SEC31B: variants seen among roughly 807,000 people sequenced by gnomAD.
The protein encoded by SEC31B is protein transport protein Sec31B.
A neutral mutation model predicts 135.0 loss-of-function variants in SEC31B; 113 were observed. That is an observed-to-expected ratio of 0.84 (90% CI 0.72 to 0.98). The LOEUF (loss-of-function observed/expected upper bound fraction) is 0.98. SEC31B is among the 50% of genes least tolerant of loss of function. The probability of loss-of-function intolerance (pLI) is 0.00; values close to 1 mark genes in which losing one functional copy is unlikely to be tolerated. For missense variants in SEC31B, 1,296 were observed against 1,421.1 expected, an observed-to-expected ratio of 0.91 and a Z score of 1.42; for synonymous variants, 508 against 549.4, an observed-to-expected ratio of 0.92 and a Z score of 1.05.
intron 10 of SEC31B, among the ~76,000 whole-genome samples, chr10:100,503,520 G>A (rs1252638513): frequency 6.7e-6 from 1 of 149,584 alleles, no homozygotes; most frequent in Non-Finnish European, 1.5e-5. Flanking sequence ...CGTAACCTCC[G>A]CCTCCCAGGT....
At position 100,507,889 on chromosome 10, in the gene SEC31B, T is replaced by C. The variant is rs1389111440; in HGVS notation, c.639+19A>G. On this transcript the variant is annotated intron_variant, in intron 6 of 25. Coordinates refer to ENST00000370345, the MANE Select transcript of SEC31B (RefSeq NM_015490.4). ...GAGAAGCCAGAGCCCAAGCCTGTGTTCTGGCCTCCAATACTCACCCTGTTG... is the reference window on the plus strand; with the variant it reads ...GAGAAGCCAGAGCCCAAGCCTGTGTCCTGGCCTCCAATACTCACCCTGTTG... 10 of 1,614,166 alleles carry C rather than the reference T, an allele frequency of 6.2e-6. No individual in the cohort carries two copies. Among genetic ancestry groups the C allele is most frequent in the Non-Finnish European group, 8.5e-6 (10 of 1,180,010 alleles).
At chr10:100,503,434 CT>C (rs113897653) in intron 10 of SEC31B, among the ~76,000 whole-genome samples, 29,613 of 142,196 alleles carry the variant, frequency 0.21, 2,905 homozygotes, top group South Asian at 0.23. Flanking sequence ...AGGCTGACAA[CT>C]TTTTTTTTTT....
chr10:100,518,078 G>A (rs1288796415), intron 1 of SEC31B, among the ~76,000 whole-genome samples: 1 of 152,178 alleles, frequency 6.6e-6, no homozygotes, highest in Non-Finnish European at 1.5e-5. Flanking sequence ...AGCAGCAGGA[G>A]TGAACTTCTA....
rs752347795 is a variant in SEC31B, at chr10:100,490,010, G to A, written c.2963C>T (p.Pro988Leu). The change falls in exon 21 of 26, where the codon CCA becomes CTA. Residue 988 changes from proline (P) to leucine (L), a missense_variant and splice_region_variant. Transcript: ENST00000370345. ...GGATCCATGGAAGGAAGACTGACCTGGGTGAGGAGTCAAGATGCCAGTGGT... is the reference window on the plus strand; with the variant it reads ...GGATCCATGGAAGGAAGACTGACCTAGGTGAGGAGTCAAGATGCCAGTGGT... ...LPTTGILTPHPGPQDSWKEAP... is the reference protein window; with the variant it reads ...LPTTGILTPHLGPQDSWKEAP... The A allele has an allele frequency of 2.6e-6, 4 of 1,540,108 alleles. No homozygotes were observed. The East Asian group carries it at 6.7e-5, about 26-fold the overall frequency.
intron 4 of SEC31B, 84 bp from the exon 5 acceptor site, chr10:100,509,186 C>A: frequency 6.6e-7 from 1 of 1,512,798 alleles, no homozygotes; most frequent in Non-Finnish European, 9.1e-7. Flanking sequence ...AAATTTGGGG[C>A]TATCAAAAGC....
chr10:100,496,739 G>T (rs2273694), intron 17 of SEC31B, among the ~76,000 whole-genome samples: 33,662 of 152,052 alleles, frequency 0.22, 3,840 homozygotes, highest in African/African-American at 0.25. Context: ...GACTCTGTCA[G>T]ACTAATTGTT....
intron 19 of SEC31B, among the ~76,000 whole-genome samples, chr10:100,492,036 A>T (rs1331655328): frequency 6.6e-6 from 1 of 152,310 alleles, no homozygotes; most frequent in Middle Eastern, 3.4e-3. Flanking sequence ...GTTCTTTATA[A>T]ATTTCCCAGT....
At chr10:100,510,039 T>C (rs1851711121) in intron 3 of SEC31B, among the ~76,000 whole-genome samples, 1 of 152,206 alleles carries the variant, frequency 6.6e-6, no homozygotes, top group African/African-American at 2.4e-5. Flanking sequence ...ATAAAATTTC[T>C]ATACACAGAG....
At chr10:100,506,262 C>T (rs1286619073) in intron 8 of SEC31B, 59 bp downstream of exon 8, 1 of 1,614,030 alleles carries the variant, frequency 6.2e-7, no homozygotes, top group Non-Finnish European at 8.5e-7. Context: ...ATGGCTGCAG[C>T]TGAGATTCTT....
rs1266821293 is a variant in SEC31B at position 100,490,008 on chromosome 10, C to G, written c.2965G>C (p.Gly989Arg). ...PTTGILTPHP[G>R]PQDSWKEAPA... is the part of the protein sequence containing the mutation. ...AGGGATCCATGGAAGGAAGACTGAC[C>G]TGGGTGAGGAGTCAAGATGCCAGTG... The change falls in exon 21 of 26, where the codon GGA (glycine) becomes CGA (arginine). Residue 989 changes from glycine (G) to arginine (R), a missense_variant and splice_region_variant. Physicochemically the swap from Gly to Arg is moderately radical, Grantham distance 125 (BLOSUM62 -2). Coordinates refer to ENST00000370345, the MANE Select transcript of SEC31B (RefSeq NM_015490.4). The G allele has an allele frequency of 4.5e-6, 7 of 1,538,494 alleles. No individual in the cohort carries two copies. In the South Asian group the frequency reaches 9.1e-5, roughly 20 times the overall value.
intron 16 of SEC31B, 32 bp from the exon 17 acceptor site, chr10:100,497,312 C>G: frequency 4.4e-6 from 7 of 1,607,022 alleles, no homozygotes; most frequent in Non-Finnish European, 6.0e-6. Context: ...ATTAATGGCA[C>G]AGCTGCCCTG....
chr10:100,517,414 T>G (rs921190648), intron 1 of SEC31B, among the ~76,000 whole-genome samples: 2 of 152,184 alleles, frequency 1.3e-5, no homozygotes, highest in East Asian at 3.8e-4. Flanking sequence ...CAGGCTGGAG[T>G]GCAGTGACAC....
chr10:100,505,265 T>A (rs1851604130), intron 10 of SEC31B, 96 bp downstream of exon 10: 5 of 1,500,246 alleles, frequency 3.3e-6, no homozygotes, highest in Middle Eastern at 1.9e-4. Context: ...GCTACAAAAC[T>A]TAGCTCCATG....
intron 12 of SEC31B, 93 bp downstream of exon 12, chr10:100,499,431 G>C: frequency 8.6e-7 from 1 of 1,165,444 alleles, no homozygotes; most frequent in Non-Finnish European, 1.3e-6. Flanking sequence ...GCAATAATAA[G>C]GCCAGGAAGA....
chr10:100,504,617 A>G (rs1851589820), intron 10 of SEC31B, among the ~76,000 whole-genome samples: 1 of 152,224 alleles, frequency 6.6e-6, no homozygotes, highest in African/African-American at 2.4e-5. Flanking sequence ...ATTACTTAGT[A>G]GGGTAATATG....
At chr10:100,502,919 C>T (rs1364372535) in intron 10 of SEC31B, among the ~76,000 whole-genome samples, 1 of 152,158 alleles carries the variant, frequency 6.6e-6, no homozygotes, top group African/African-American at 2.4e-5. Context: ...GTTTGCTAGC[C>T]TTCTGTTCTT....
intron 11 of SEC31B, among the ~76,000 whole-genome samples, chr10:100,501,392 T>C (rs1851522107): frequency 6.6e-6 from 1 of 152,212 alleles, no homozygotes; most frequent in Non-Finnish European, 1.5e-5. Context: ...CTGGAACTTG[T>C]ATCCTGCTTA....
chr10:100,510,460 A>G (rs1016272824), intron 3 of SEC31B, among the ~76,000 whole-genome samples: 2 of 152,240 alleles, frequency 1.3e-5, no homozygotes, highest in Admixed American at 6.5e-5. Context: ...GGATCCCTGG[A>G]TCCCTTCTAG....
At chr10:100,493,328 G>A (rs574960309) in intron 19 of SEC31B, among the ~76,000 whole-genome samples, 10 of 150,862 alleles carry the variant, frequency 6.6e-5, no homozygotes, top group South Asian at 2.1e-4. Flanking sequence ...AGCCAAGATC[G>A]CGCCACTGCA....
Sources: gnomAD v4.1 joint callset for allele counts (sites outside exome capture counted in the v4.1 genomes callset) on GRCh38, gnomAD v4.1.1 for gene constraint, MANE v1.5 for transcripts, NCBI Gene and HGNC (gene_info 2026-07-23, HGNC 2026-07-21) for gene names.